Variants in ENTREP2 observed in about 807,000 individuals in gnomAD.
ENTREP2 encodes endosomal transmembrane epsin interactor 2, also known as protein ENTREP2.
chr15:29,300,732 G>A, the ENTREP2 span, among the ~76,000 whole-genome samples: 5 of 152,128 alleles, frequency 3.3e-5, no homozygotes, highest in East Asian at 1.9e-4. Flanking sequence ...CCGAGTAGCT[G>A]GGACTACAGG....
the ENTREP2 span, among the ~76,000 whole-genome samples, chr15:29,434,452 C>G: frequency 6.6e-6 from 1 of 152,154 alleles, no homozygotes; most frequent in Non-Finnish European, 1.5e-5. Context: ...CTCAGCATCC[C>G]TTCACCTGTT....
At chr15:29,674,128 TGG>T in the ENTREP2 span, among the ~76,000 whole-genome samples, 1,808 of 46,056 alleles carry the variant, frequency 0.039, 129 homozygotes, top group African/African-American at 0.084. Flanking sequence ...CTGCAGAGGA[TGG>T]GGGGGGGGGG....
the ENTREP2 span, chr15:29,268,317 A>G: frequency 2.0e-5 from 3 of 153,602 alleles, no homozygotes; most frequent in African/African-American, 7.2e-5. Flanking sequence ...AATAATACTT[A>G]TATATGTACG....
At chr15:29,616,549 A>G in the ENTREP2 span, among the ~76,000 whole-genome samples, 1 of 152,132 alleles carries the variant, frequency 6.6e-6, no homozygotes, top group Admixed American at 6.5e-5. Context: ...TCTGCATTGC[A>G]TATATTTAAG....
chr15:29,488,099 G>A, the ENTREP2 span, among the ~76,000 whole-genome samples: 1 of 150,708 alleles, frequency 6.6e-6, no homozygotes, highest in African/African-American at 2.5e-5. Flanking sequence ...CACACACACT[G>A]GACTTACTAA....
the ENTREP2 span, among the ~76,000 whole-genome samples, chr15:29,466,702 G>T: frequency 4.8e-5 from 6 of 124,724 alleles, no homozygotes; most frequent in Non-Finnish European, 8.4e-5. Flanking sequence ...GGATGCTGAT[G>T]GCCCCAGGGG....
the ENTREP2 span, among the ~76,000 whole-genome samples, chr15:29,315,070 G>A: frequency 1.9e-3 from 289 of 152,236 alleles, 1 homozygote; most frequent in African/African-American, 6.6e-3. Context: ...AGAAAATGGT[G>A]ACATGCTTGT....
the ENTREP2 span, among the ~76,000 whole-genome samples, chr15:29,516,458 T>G: frequency 9.9e-5 from 15 of 152,232 alleles, no homozygotes; most frequent in African/African-American, 3.6e-4. Flanking sequence ...CAATACAATA[T>G]CATGTCTATG....
chr15:29,188,355 A>G, the ENTREP2 span, among the ~76,000 whole-genome samples: 5 of 151,986 alleles, frequency 3.3e-5, no homozygotes, highest in African/African-American at 1.2e-4. Flanking sequence ...TCAACACATC[A>G]TCTAGGTTTT....
At chr15:29,257,074 ATTT>A in the ENTREP2 span, among the ~76,000 whole-genome samples, 9 of 149,640 alleles carry the variant, frequency 6.0e-5, no homozygotes, top group African/African-American at 2.2e-4. Flanking sequence ...TTATTTATTT[ATTT>A]ATTTATTTAT....
At chr15:29,328,380 T>G in the ENTREP2 span, among the ~76,000 whole-genome samples, 1 of 152,196 alleles carries the variant, frequency 6.6e-6, no homozygotes, top group Non-Finnish European at 1.5e-5. Context: ...CAAAACCCAT[T>G]GAACTGTACA....
the ENTREP2 span, among the ~76,000 whole-genome samples, chr15:29,476,308 C>G: frequency 6.6e-6 from 1 of 152,158 alleles, no homozygotes; most frequent in Non-Finnish European, 1.5e-5. Context: ...GACCACCTGC[C>G]ACTGCCACCC....
At chr15:29,442,643 C>T in the ENTREP2 span, among the ~76,000 whole-genome samples, 1 of 152,152 alleles carries the variant, frequency 6.6e-6, no homozygotes, top group Non-Finnish European at 1.5e-5. Flanking sequence ...CTCATTCCCT[C>T]GAGAGCCCAC....
chr15:29,158,792 T>G, the ENTREP2 span, among the ~76,000 whole-genome samples: 1 of 152,068 alleles, frequency 6.6e-6, no homozygotes, highest in Non-Finnish European at 1.5e-5. Flanking sequence ...TATTAGCTTT[T>G]TGATGTTATT....
the ENTREP2 span, among the ~76,000 whole-genome samples, chr15:29,159,138 G>A: frequency 6.6e-6 from 1 of 152,160 alleles, no homozygotes; most frequent in African/African-American, 2.4e-5. Context: ...AGCTCTTAAA[G>A]GTGGCGTGTC....
chr15:29,151,076 G>A, the ENTREP2 span, among the ~76,000 whole-genome samples: 1 of 152,198 alleles, frequency 6.6e-6, no homozygotes, highest in Non-Finnish European at 1.5e-5. Context: ...TCAGTAGGCT[G>A]TGTTCCATTC....
chr15:29,547,042 C>A, the ENTREP2 span, among the ~76,000 whole-genome samples: 3 of 151,204 alleles, frequency 2.0e-5, no homozygotes, highest in African/African-American at 7.3e-5. Context: ...AAAAGGAATT[C>A]TGCAAAGAAA....
chr15:29,372,484 C>A, the ENTREP2 span, among the ~76,000 whole-genome samples: 2 of 152,142 alleles, frequency 1.3e-5, no homozygotes, highest in South Asian at 2.1e-4. Context: ...AGGAGTCACA[C>A]ATTATATGCA....
At chr15:29,613,485 A>G in the ENTREP2 span, 3 of 398,906 alleles carry the variant, frequency 7.5e-6, no homozygotes, top group Non-Finnish European at 1.5e-5. Flanking sequence ...CCACAGCAAG[A>G]TCCGAGAAGA....
Sources: gnomAD v4.1 joint callset for allele counts (sites outside exome capture counted in the v4.1 genomes callset) on GRCh38, gnomAD v4.1.1 for gene constraint, MANE v1.5 for transcripts, NCBI Gene and HGNC (gene_info 2026-07-23, HGNC 2026-07-21) for gene names.